The following TEX11 variants were observed in gnomAD, a reference collection of about 807,000 sequenced individuals.
The protein encoded by TEX11 is testis-expressed protein 11.
A neutral mutation model predicts 84.4 loss-of-function variants in TEX11; 7 were observed. The observed-to-expected ratio is 0.08, with a 90% CI of 0.05 to 0.16. TEX11 has a LOEUF of 0.16. Ranked by LOEUF, TEX11 falls within the 10% of genes least tolerant of loss-of-function variation. The pLI is 1.00. For synonymous variants in TEX11, 264 were observed against 222.8 expected (o/e 1.18, Z -1.64); for missense variants, 551 against 660.5 (o/e 0.83, Z 1.82).
chrX:70,657,179 C>T (rs1440810652), intron 16 of TEX11, among the ~76,000 whole-genome samples: 3 of 111,278 alleles, frequency 2.7e-5, no homozygotes, highest in South Asian at 3.7e-4. Flanking sequence ...TAAACTTAAA[C>T]GTACATAGCC....
chrX:70,808,364 G>A (rs975046192), intron 8 of TEX11, among the ~76,000 whole-genome samples: 7 of 107,397 alleles, frequency 6.5e-5, no homozygotes, highest in African/African-American at 1.0e-4. Context: ...TTAGTTGGGC[G>A]TGGTGGTGGG....
intron 9 of TEX11, among the ~76,000 whole-genome samples, chrX:70,797,035 A>G (rs2091159405): frequency 1.8e-5 from 2 of 112,487 alleles, no homozygotes; most frequent in African/African-American, 3.2e-5. Context: ...TAGTTCAGCC[A>G]CTGTGGAAAG....
intron 13 of TEX11, 118 bp from the exon 14 acceptor site, chrX:70,682,943 A>C: frequency 3.3e-6 from 2 of 613,187 alleles, no homozygotes; most frequent in South Asian, 7.0e-5. Flanking sequence ...ATCTGAACTC[A>C]GGTAATGTTA....
At chrX:70,784,881 C>T (rs1285114511) in intron 9 of TEX11, among the ~76,000 whole-genome samples, 21 of 111,587 alleles carry the variant, frequency 1.9e-4, no homozygotes, top group Admixed American at 3.8e-4. Context: ...GAATCAATAC[C>T]GTGAAAATGG....
rs750352193 is a variant in TEX11, at chrX:70,705,291, T to C, written c.1004+17327A>G. ...CTTGGCAATGCAGGCCCTTTTTTGG[T>C]TCCATATGAACTTTAAAGTAGTTTT... On this transcript the variant is annotated intron_variant, in intron 13 of 29. Transcript: ENST00000374333. 2.1e-3 allele frequency among the ~76,000 whole-genome samples: 231 copies of C among 111,654 alleles called. 1 individual carries two copies. The highest frequency in any genetic ancestry group is 7.4e-3 in the African/African-American group (228 of 30,795).
intron 23 of TEX11, among the ~76,000 whole-genome samples, chrX:70,606,750 T>C (rs1237565936): frequency 1.8e-5 from 2 of 111,913 alleles, no homozygotes; most frequent in Non-Finnish European, 1.9e-5. Flanking sequence ...TGAATGTTTC[T>C]GATATTTTGG....
intron 13 of TEX11, among the ~76,000 whole-genome samples, chrX:70,707,661 T>A (rs1421531281): frequency 9.0e-6 from 1 of 111,613 alleles, no homozygotes; most frequent in Non-Finnish European, 1.9e-5. Flanking sequence ...TTTATTATAG[T>A]AGGCTATAAA....
At position 70,888,430 on chromosome X, in the gene TEX11, A is replaced by G. The variant is rs761628667; in HGVS notation, c.38-8321T>C. ...ATTCTGAACTAAAAATGCAACTAGC[A>G]TACTGAAGAAAGCATCAGAGTCCTT... is the stretch of plus-strand genomic sequence containing the variant. On this transcript the variant is annotated intron_variant, in intron 2 of 29. Transcript: ENST00000374333. 2.7e-5 allele frequency among the ~76,000 whole-genome samples: 3 copies of G among 112,811 alleles called. No homozygotes were observed. In the Admixed American group the frequency reaches 2.8e-4, roughly 11 times the overall value.
At chrX:70,569,384 C>G (rs1326984824) in intron 25 of TEX11, among the ~76,000 whole-genome samples, 1 of 111,920 alleles carries the variant, frequency 8.9e-6, no homozygotes, top group Non-Finnish European at 1.9e-5. Flanking sequence ...GTTTGATTGT[C>G]TGAAGCCTTC....
chrX:70,818,550 G>A (rs2091302063), intron 8 of TEX11, among the ~76,000 whole-genome samples: 1 of 110,594 alleles, frequency 9.0e-6, no homozygotes, highest in Admixed American at 9.7e-5. Flanking sequence ...TCAGAGTGGA[G>A]GACCCCCACA....
chrX:70,565,441 C>A (rs1311871280), intron 25 of TEX11, among the ~76,000 whole-genome samples: 3 of 109,257 alleles, frequency 2.7e-5, no homozygotes, highest in Non-Finnish European at 3.8e-5. Context: ...GCTTTGGTTG[C>A]CATTGCTTTT....
At chrX:70,817,557 G>A (rs1194554545) in intron 8 of TEX11, among the ~76,000 whole-genome samples, 2 of 110,847 alleles carry the variant, frequency 1.8e-5, no homozygotes, top group African/African-American at 6.6e-5. Flanking sequence ...GGTGGGACAC[G>A]CCTGTAATGG....
Position 70,655,800 on chromosome X carries a change from C to T in TEX11, c.1381-4248G>A, listed in dbSNP as rs975226008. Among the ~76,000 whole-genome samples, 4 of 110,841 alleles carry T rather than the reference C, an allele frequency of 3.6e-5. No individual in the cohort carries two copies. In the East Asian group the frequency reaches 8.5e-4, roughly 24 times the overall value. On this transcript the variant is annotated intron_variant, in intron 16 of 29. Transcript: ENST00000374333. ...TACATTTCTGTTGTTTTAAGCCACACAGTTTGTAGTGCTTTGTTATAGCAT... is the reference window on the plus strand; with the variant it reads ...TACATTTCTGTTGTTTTAAGCCACATAGTTTGTAGTGCTTTGTTATAGCAT...
intron 8 of TEX11, among the ~76,000 whole-genome samples, chrX:70,810,600 A>T (rs2091246861): frequency 9.0e-6 from 1 of 111,136 alleles, no homozygotes; most frequent in Admixed American, 9.6e-5. Flanking sequence ...CAATGAGAAC[A>T]CATGGACACA....
At chrX:70,515,209 G>A in the TEX11 span, among the ~76,000 whole-genome samples, 5 of 111,447 alleles carry the variant, frequency 4.5e-5, no homozygotes, top group South Asian at 3.8e-4. Context: ...ATGTTGGTGC[G>A]CTGCACCCAT....
intron 2 of TEX11, among the ~76,000 whole-genome samples, chrX:70,885,901 AAAAG>A (rs2091706220): frequency 2.8e-5 from 3 of 108,494 alleles, no homozygotes; most frequent in East Asian, 2.8e-4. Context: ...AAAAAAAAAA[AAAAG>A]AAAAAGAAAG....
intron 16 of TEX11, among the ~76,000 whole-genome samples, chrX:70,657,768 C>CT (rs1334602180): frequency 9.2e-6 from 1 of 108,367 alleles, no homozygotes; most frequent in Non-Finnish European, 1.9e-5. Context: ...AGTTCATGTC[C>CT]TTTGTAGGTA....
rs1279456744 is a variant in TEX11, at chrX:70,554,809, GA to G, written c.2141-10del. On this transcript the variant is annotated splice_polypyrimidine_tract_variant and intron_variant, in intron 25 of 29. Transcript: ENST00000374333. Reference sequence around the variant, plus strand: ...ATCATTTGAGAAGGTCCCTAAGAAAGAGGCAAAAATGCAACATTCTTTGTGA... The same window carrying G: ...ATCATTTGAGAAGGTCCCTAAGAAAGGGCAAAAATGCAACATTCTTTGTGA... 4.2e-6 allele frequency: 5 copies of G among 1,192,218 alleles called. No homozygotes were observed. In the Admixed American group the frequency reaches 7.1e-5, roughly 17 times the overall value.
intron 13 of TEX11, among the ~76,000 whole-genome samples, chrX:70,698,258 A>G (rs2090297281): frequency 9.0e-6 from 1 of 111,172 alleles, no homozygotes; most frequent in African/African-American, 3.3e-5. Context: ...TGTGCTACTG[A>G]ATGCTAGATT....
Sources: gnomAD v4.1 joint callset for allele counts (sites outside exome capture counted in the v4.1 genomes callset) on GRCh38, gnomAD v4.1.1 for gene constraint, MANE v1.5 for transcripts, NCBI Gene and HGNC (gene_info 2026-07-23, HGNC 2026-07-21) for gene names.